BRWD1: variants seen among roughly 807,000 people sequenced by gnomAD.
The protein encoded by BRWD1 is bromodomain and WD repeat domain containing 1.
BRWD1 carries 82 observed loss-of-function variants against 251.2 expected under a neutral mutation model. The observed-to-expected ratio is 0.33, with a 90% confidence interval of 0.27 to 0.39. The LOEUF (loss-of-function observed/expected upper bound fraction) is 0.39, where lower values mean the gene tolerates loss of function less well. BRWD1 is among the 10% of genes least tolerant of loss of function. The pLI is 1.00. For synonymous variants in BRWD1, 918 were observed against 902.8 expected, an observed-to-expected ratio of 1.02 and a Z score of -0.30; for missense variants, 2,233 against 2,711.6, an observed-to-expected ratio of 0.82 and a Z score of 3.92.
chr21:39,219,648 T>C (rs995926319), intron 29 of BRWD1: 1 of 152,182 alleles, frequency 6.6e-6, no homozygotes, highest in Non-Finnish European at 1.5e-5. Flanking sequence ...TCTAGAAACA[T>C]ATCCATTAAG....
At chr21:39,304,869 G>A (rs1261897728) in intron 4 of BRWD1, among the ~76,000 whole-genome samples, 1 of 150,112 alleles carries the variant, frequency 6.7e-6, no homozygotes, top group Non-Finnish European at 1.5e-5. Context: ...CAATTCAATA[G>A]GAAAACAAAA....
chr21:39,294,752 G>T (rs937781232), intron 7 of BRWD1, among the ~76,000 whole-genome samples: 2 of 152,024 alleles, frequency 1.3e-5, no homozygotes, highest in African/African-American at 4.8e-5. Context: ...TGAGAAACAG[G>T]ACTAAGTGGC....
intron 29 of BRWD1, 42 bp from the exon 30 acceptor site, chr21:39,218,702 C>A (rs1555852037): frequency 4.1e-6 from 6 of 1,467,108 alleles, no homozygotes; most frequent in Non-Finnish European, 5.5e-6. Flanking sequence ...GAAAAAAACA[C>A]AAAAAATAAA....
chr21:39,254,029 G>GGC (rs1368097038), intron 19 of BRWD1, among the ~76,000 whole-genome samples: 27 of 152,314 alleles, frequency 1.8e-4, no homozygotes, highest in African/African-American at 6.5e-4. Context: ...CACTTTGGGA[G>GGC]GCCGAGGCAG....
At chr21:39,318,247 A>G (rs913137518), upstream of BRWD1, among the ~76,000 whole-genome samples, 1 of 152,194 alleles carries the variant, frequency 6.6e-6, no homozygotes, top group Non-Finnish European at 1.5e-5. Context: ...GGTTCCAACA[A>G]TTCACATAAG....
intron 13 of BRWD1, 79 bp from the exon 14 acceptor site, chr21:39,270,512 A>AAT: frequency 8.1e-7 from 1 of 1,236,616 alleles, no homozygotes; most frequent in South Asian, 1.6e-5. Flanking sequence ...TCAATACAAA[A>AAT]ATAAAGAAAT....
chr21:39,186,764 ATAG>A lies in BRWD1; in HGVS notation c.*9492_*9494del, dbSNP rs535984533. On this transcript the variant is annotated 3_prime_UTR_variant, in exon 41 of 41. Transcript: ENST00000342449. ...TCAAGGCCTTGCATTCTGGAAAGGA[ATAG>A]TAGTCTTATAGCAGGCCATTTGTCT... 9.1e-6 allele frequency: 3 copies of A among 330,114 alleles called. No homozygotes were observed. The highest frequency in any genetic ancestry group is 1.7e-4 in the South Asian group (2 of 11,784). 20.4% of individuals were successfully genotyped at this position (330,114 alleles called of 1,614,324 possible).
At chr21:39,293,043 A>G (rs1481188384) in intron 8 of BRWD1, among the ~76,000 whole-genome samples, 2 of 152,236 alleles carry the variant, frequency 1.3e-5, no homozygotes, top group African/African-American at 2.4e-5. Context: ...AAGAAATTAT[A>G]TAAAACCTAG....
At position 39,247,720 on chromosome 21, in the gene BRWD1, G is replaced by A. The variant is rs767338375; in HGVS notation, c.2462C>T (p.Ser821Phe). 9.3e-6 allele frequency: 15 copies of A among 1,611,972 alleles called. No individual in the cohort carries two copies. The South Asian group carries it at 1.5e-4, about 17-fold the overall frequency. ...SWRELSSGNESSSSVRHETSC... is the reference protein window; with the variant it reads ...SWRELSSGNEFSSSVRHETSC... The stretch of plus-strand genomic sequence containing the variant: ...ACTCACATGTCTTACAGAGCTTGAA[G>A]ACTCATTTCCAGAAGATAACTCACG... The change falls in exon 21 of 41, where the codon TCT becomes TTT. Residue 821 changes from serine to phenylalanine, a missense_variant. Physicochemically the swap from Ser to Phe is radical, Grantham distance 155. Coordinates refer to ENST00000342449, the MANE Select transcript of BRWD1 (RefSeq NM_033656.4).
At chr21:39,237,781 C>CT (rs2033860940) in intron 22 of BRWD1, among the ~76,000 whole-genome samples, 1 of 151,972 alleles carries the variant, frequency 6.6e-6, no homozygotes, top group African/African-American at 2.4e-5. Context: ...GAACTGCATG[C>CT]TTTAAATGGT....
chr21:39,252,715 A>C (rs889480567), intron 19 of BRWD1, among the ~76,000 whole-genome samples: 1 of 152,204 alleles, frequency 6.6e-6, no homozygotes, highest in African/African-American at 2.4e-5. Context: ...CCTTAGAAAC[A>C]CAATACCAAT....
Position 39,193,022 on chromosome 21 carries a change from G to A in BRWD1, c.*3237C>T. The A allele has an allele frequency of 1.0e-6, 1 of 985,096 alleles. No homozygotes were observed. Among genetic ancestry groups the A allele is most frequent in the Non-Finnish European group, 1.2e-6 (1 of 829,704 alleles). The allele number at this position is 985,096 out of a possible 1,614,324, so 61.0% of individuals were successfully genotyped here. On this transcript the variant is annotated 3_prime_UTR_variant, in exon 41 of 41. Coordinates refer to ENST00000342449, the MANE Select transcript of BRWD1 (RefSeq NM_033656.4). ...CTTACGAGGTCATAACGAGTGCAAA[G>A]GGCTTAGTGATGCATCTTATTCTTT... is the stretch of plus-strand genomic sequence containing the variant.
chr21:39,196,693 C>T lies in BRWD1; in HGVS notation c.6376G>A (p.Val2126Ile), dbSNP rs748073459. ...TCAGGATGCGATCTCTTCCTTTTTA[C>T]TTCCTTCTCTGCTGTTTCCTGTGAA... ...HDSQETAEKEVKRKRSHPELE... is the reference protein window; with the variant it reads ...HDSQETAEKEIKRKRSHPELE... Residue 2126 changes from valine to isoleucine, a missense_variant, in exon 41 of 41, where the codon GTA (valine) becomes ATA (isoleucine). By Grantham distance (29) the Val-to-Ile change is conservative. This residue lies in a region of BRWD1 where 928 missense variants were observed against 970.0 expected (regional missense o/e 0.96). Transcript: ENST00000342449. 7 of 1,613,954 alleles carry T rather than the reference C, an allele frequency of 4.3e-6. No individual in the cohort carries two copies. Among genetic ancestry groups the T allele is most frequent in the Admixed American group, 3.3e-5 (2 of 60,000 alleles).
chr21:39,225,625 A>T (rs2033351938), intron 27 of BRWD1, among the ~76,000 whole-genome samples: 1 of 152,196 alleles, frequency 6.6e-6, no homozygotes, highest in African/African-American at 2.4e-5. Context: ...TTATAGAAAT[A>T]ATCAAAATTA....
intron 1 of BRWD1, among the ~76,000 whole-genome samples, chr21:39,320,262 C>T (rs1336471802): frequency 1.3e-5 from 2 of 152,148 alleles, no homozygotes; most frequent in Non-Finnish European, 2.9e-5. Context: ...ATATAGAGAC[C>T]CTCTCTTTGC....
chr21:39,274,579 A>G, intron 12 of BRWD1, 107 bp from the exon 13 acceptor site: 1 of 878,330 alleles, frequency 1.1e-6, no homozygotes, highest in South Asian at 1.5e-5. Context: ...TCCTAACAAC[A>G]GGACAATCCA....
At chr21:39,233,664 T>C (rs187511777) in intron 23 of BRWD1, among the ~76,000 whole-genome samples, 187 of 152,294 alleles carry the variant, frequency 1.2e-3, no homozygotes, top group African/African-American at 4.2e-3. Flanking sequence ...AAGTTTCAGA[T>C]TTGGAAAGGT....
intron 29 of BRWD1, among the ~76,000 whole-genome samples, chr21:39,220,432 C>T (rs2033130726): frequency 6.6e-6 from 1 of 152,226 alleles, no homozygotes; most frequent in South Asian, 2.1e-4. Flanking sequence ...CTGAGCACTG[C>T]TCCAAACCCA....
intron 18 of BRWD1, among the ~76,000 whole-genome samples, chr21:39,257,350 A>C (rs1177555712): frequency 1.3e-5 from 2 of 152,194 alleles, no homozygotes; most frequent in Non-Finnish European, 2.9e-5. Context: ...CATAGCATCA[A>C]CTATTCAGTA....
Sources: allele counts gnomAD v4.1 joint callset (sites outside exome capture counted in the v4.1 genomes callset), GRCh38; gene constraint gnomAD v4.1.1; regional missense constraint gnomAD v4.1.1; transcripts MANE v1.5; gene names NCBI Gene and HGNC (gene_info 2026-07-23, HGNC 2026-07-21).